AKAP12: variants seen among roughly 807,000 people sequenced by gnomAD.
The protein encoded by AKAP12 is A-kinase anchor protein 12.
In AKAP12, 32 loss-of-function variants were observed where a neutral mutation model predicts 79.9. The observed-to-expected ratio is 0.40, with a 90% CI of 0.30 to 0.54. The LOEUF is 0.54. Among genes scored for constraint, AKAP12 ranks in the 20% least tolerant of loss-of-function variants. The pLI is 0.48. For synonymous variants in AKAP12, 808 were observed against 857.0 expected, an observed-to-expected ratio of 0.94 and a Z score of 1.00; for missense variants, 2,074 against 2,177.0, an observed-to-expected ratio of 0.95 and a Z score of 0.94.
In AKAP12 at chr6:151,350,330, G is replaced by A. The variant is rs755562769; in HGVS notation, c.1939G>A (p.Glu647Lys). 1.1e-5 allele frequency: 18 copies of A among 1,613,820 alleles called. No individual in the cohort carries two copies. Among genetic ancestry groups the A allele is most frequent in the East Asian group, 2.2e-5 (1 of 44,876 alleles). Residue 647 changes from glutamate to lysine, a missense_variant, in exon 4 of 5, where the codon GAG becomes AAG. This residue lies in a region of AKAP12 where 1,428 missense variants were observed against 1,451.0 expected (regional missense o/e 0.98). Transcript: ENST00000402676. This position sits in a 1 kb window ranked among gnomAD's most constrained non-coding sequence, Gnocchi z 4.8. ...KVKSATLSST[E>K]STASEMQEEM... ...CAAGAGCGCTACCTTGTCTTCCACC[G>A]AGAGCACAGCCTCTGAAATGCAAGA...
rs1182799503 is a variant in AKAP12, at chr6:151,279,893, T to A, written c.163-25854T>A. ...GCAAGTGAAATCAAACTTGAAAAAA[T>A]TTTAAATAAATATCTTTTTTTAAGC... On this transcript the variant is annotated intron_variant, in intron 2 of 4. Transcript: ENST00000402676. Among the ~76,000 whole-genome samples, 3 of 152,064 alleles carry A rather than the reference T, an allele frequency of 2.0e-5. No homozygotes were observed. In the East Asian group the frequency reaches 5.8e-4, roughly 29 times the overall value.
chr6:151,350,056 G>C lies in AKAP12; in HGVS notation c.1665G>C (p.Pro555=). 6.2e-7 allele frequency: 1 copy of C among 1,614,118 alleles called. No homozygotes were observed. The highest frequency in any genetic ancestry group is 8.5e-7 in the Non-Finnish European group (1 of 1,180,026). Residue 555 remains proline, a synonymous_variant, in exon 4 of 5, where the codon CCG becomes CCC. Coordinates refer to ENST00000402676, the MANE Select transcript of AKAP12 (RefSeq NM_005100.4). This position sits in a 1 kb window ranked among gnomAD's most constrained non-coding sequence, Gnocchi z 4.8. ...GEHTQVPADS[P]DSQEEQKGES... Reference sequence around the variant, plus strand: ...ACACTCAGGTTCCAGCCGATTCTCCGGACAGCCAGGAGGAGCAAAAGGGCG... The same window carrying C: ...ACACTCAGGTTCCAGCCGATTCTCCCGACAGCCAGGAGGAGCAAAAGGGCG...
At chr6:151,259,546 G>A (rs1323680936) in intron 2 of AKAP12, among the ~76,000 whole-genome samples, 7 of 98,792 alleles carry the variant, frequency 7.1e-5, no homozygotes, top group Admixed American at 6.6e-4. Context: ...ACACACACAC[G>A]TTTAATATGC....
At chr6:151,317,102 A>T (rs548243897) in intron 3 of AKAP12, among the ~76,000 whole-genome samples, 1 of 152,258 alleles carries the variant, frequency 6.6e-6, no homozygotes, top group South Asian at 2.1e-4. Context: ...CACCGCCTCC[A>T]TGAGTGATCC....
At position 151,240,690 on chromosome 6, in the gene AKAP12, A is replaced by G; in HGVS notation, c.128A>G (p.Asp43Gly). Residue 43 changes from aspartate (D) to glycine (G), a missense_variant, in exon 2 of 5, where the codon GAC becomes GGC. Around this residue, in one of 3 missense-constraint regions of AKAP12, gnomAD observed 1,428 missense variants for 1,451.0 expected, o/e 0.98. Transcript: ENST00000402676. ...GAGGCGGCGCCAGACACCACCGCGG[A>G]CCCCGCCATCGCTGCCTCGGACCCC... ...SAEAAPDTTADPAIAASDPAT... is the reference protein window; with the variant it reads ...SAEAAPDTTAGPAIAASDPAT... 1 of 1,068,626 alleles carries G rather than the reference A, an allele frequency of 9.4e-7. No homozygotes were observed. Among genetic ancestry groups the G allele is most frequent in the East Asian group, 8.0e-5 (1 of 12,540 alleles). 66.2% of individuals were successfully genotyped at this position (1,068,626 alleles called of 1,614,324 possible).
At chr6:151,340,293 T>C (rs1471995824) in intron 3 of AKAP12, among the ~76,000 whole-genome samples, 1 of 152,016 alleles carries the variant, frequency 6.6e-6, no homozygotes, top group Non-Finnish European at 1.5e-5. Flanking sequence ...TACCATACTT[T>C]ATCCACTCAC....
chr6:151,303,202 T>TA (rs1018481325), intron 2 of AKAP12, among the ~76,000 whole-genome samples: 5 of 151,842 alleles, frequency 3.3e-5, no homozygotes, highest in East Asian at 3.9e-4. Context: ...AAAATAAAAA[T>TA]AAAAAAAAGA....
chr6:151,249,580 A>G (rs1797136829), intron 2 of AKAP12, among the ~76,000 whole-genome samples: 2 of 152,242 alleles, frequency 1.3e-5, no homozygotes, highest in South Asian at 2.1e-4. Flanking sequence ...TCTCTCTTTC[A>G]TATATTTAGA....
At chr6:151,315,415 T>A (rs111923301) in intron 3 of AKAP12, among the ~76,000 whole-genome samples, 12 of 152,292 alleles carry the variant, frequency 7.9e-5, no homozygotes, top group African/African-American at 2.2e-4. Flanking sequence ...ATCCCATTCA[T>A]GAGTGCTCCA....
intron 3 of AKAP12, among the ~76,000 whole-genome samples, chr6:151,316,170 A>G (rs1233059475): frequency 6.6e-6 from 1 of 152,250 alleles, no homozygotes; most frequent in Non-Finnish European, 1.5e-5. Context: ...CCTGCATATC[A>G]TGCTTCGAAT....
intron 2 of AKAP12, among the ~76,000 whole-genome samples, chr6:151,264,351 G>C (rs1384191853): frequency 6.8e-6 from 1 of 146,444 alleles, no homozygotes; most frequent in African/African-American, 2.5e-5. Context: ...GATATACCTG[G>C]CCAAGACCCC....
Position 151,351,208 on chromosome 6 carries a change from A to G in AKAP12, c.2817A>G (p.Arg939=). The part of the protein sequence containing the change: ...AALLTEEVLE[R]EVIAEEEPPT... ...TGTTAACTGAGGAGGTATTGGAAAGAGAAGTAATTGCAGAAGAAGAACCCC... is the reference window on the plus strand; with the variant it reads ...TGTTAACTGAGGAGGTATTGGAAAGGGAAGTAATTGCAGAAGAAGAACCCC... The change falls in exon 4 of 5, where the codon AGA becomes AGG. Residue 939 remains arginine, a synonymous_variant. Transcript: ENST00000402676. The surrounding 1 kb of genome is among the most constrained non-coding windows in gnomAD (Gnocchi z 4.4). 6.2e-7 allele frequency: 1 copy of G among 1,614,230 alleles called. No homozygotes were observed. The highest frequency in any genetic ancestry group is 2.2e-5 in the East Asian group (1 of 44,886).
At chr6:151,305,031 C>T (rs1776947161) in intron 2 of AKAP12, among the ~76,000 whole-genome samples, 1 of 152,230 alleles carries the variant, frequency 6.6e-6, no homozygotes, top group Non-Finnish European at 1.5e-5. Flanking sequence ...GGAGCACTGG[C>T]CTTCGCGCCA....
intron 2 of AKAP12, among the ~76,000 whole-genome samples, chr6:151,258,680 C>T (rs534306063): frequency 6.6e-6 from 1 of 152,044 alleles, no homozygotes; most frequent in Admixed American, 6.6e-5. Context: ...GGGTCTTGCT[C>T]TGTTGCCCAG....
At chr6:151,271,113 C>G (rs6940829) in intron 2 of AKAP12, among the ~76,000 whole-genome samples, 66,128 of 151,924 alleles carry the variant, frequency 0.44, 15,245 homozygotes, top group African/African-American at 0.57. Context: ...CCAAATATGC[C>G]GAAGCAGTTT....
intron 3 of AKAP12, among the ~76,000 whole-genome samples, chr6:151,314,399 A>G (rs1366199765): frequency 1.3e-5 from 2 of 152,104 alleles, no homozygotes; most frequent in African/African-American, 4.8e-5. Context: ...TCAAGGGGGG[A>G]ATTTTATTCA....
At chr6:151,284,740 TC>T (rs1439066453) in intron 2 of AKAP12, among the ~76,000 whole-genome samples, 3 of 152,194 alleles carry the variant, frequency 2.0e-5, no homozygotes, top group Admixed American at 1.3e-4. Flanking sequence ...CTCAACTTTT[TC>T]TGGTACACTT....
At chr6:151,314,730 T>C (rs1450537261) in intron 3 of AKAP12, among the ~76,000 whole-genome samples, 1 of 152,222 alleles carries the variant, frequency 6.6e-6, no homozygotes, top group South Asian at 2.1e-4. Flanking sequence ...CAAGTCAGCC[T>C]GTAGGCTTGC....
At chr6:151,302,437 C>T (rs982733150) in intron 2 of AKAP12, among the ~76,000 whole-genome samples, 3 of 152,138 alleles carry the variant, frequency 2.0e-5, no homozygotes, top group African/African-American at 7.2e-5. Context: ...GGGACTACAG[C>T]GCACGTCACA....
Sources: allele counts gnomAD v4.1 joint callset (sites outside exome capture counted in the v4.1 genomes callset), GRCh38; gene constraint gnomAD v4.1.1; regional missense constraint gnomAD v4.1.1; non-coding constraint Gnocchi (gnomAD v3.1); transcripts MANE v1.5; gene names NCBI Gene and HGNC (gene_info 2026-07-23, HGNC 2026-07-21).